ARMH4: variants seen among roughly 807,000 people sequenced by gnomAD.
The protein encoded by ARMH4 is armadillo-like helical domain-containing protein 4.
Under a neutral mutation model 61.9 loss-of-function variants are expected in ARMH4, and 49 were observed. The observed-to-expected ratio is 0.79, with a 90% confidence interval of 0.63 to 1.00. The LOEUF is 1.00. ARMH4 is among the 50% of genes least tolerant of loss of function. The pLI is 0.00. For missense variants in ARMH4, 934 were observed against 930.0 expected, an observed-to-expected ratio of 1.00 and a Z score of -0.06; for synonymous variants, 368 against 341.5, an observed-to-expected ratio of 1.08 and a Z score of -0.85.
intron 5 of ARMH4, among the ~76,000 whole-genome samples, chr14:58,078,993 T>A (rs1408425088): frequency 6.6e-6 from 1 of 152,236 alleles, no homozygotes; most frequent in Non-Finnish European, 1.5e-5. Context: ...TAATCCCTCT[T>A]TTCTGCCACA....
intron 4 of ARMH4, among the ~76,000 whole-genome samples, chr14:58,112,047 T>C (rs545431436): frequency 8.3e-4 from 126 of 152,262 alleles, no homozygotes; most frequent in Middle Eastern, 6.8e-3. Context: ...CCCACTCTTA[T>C]GACCTCATAT....
At chr14:58,045,467 T>G (rs954543800) in intron 5 of ARMH4, among the ~76,000 whole-genome samples, 1 of 151,608 alleles carries the variant, frequency 6.6e-6, no homozygotes, top group African/African-American at 2.4e-5. Flanking sequence ...TGTTGTGGGG[T>G]GAGGGGAGTG....
intron 4 of ARMH4, among the ~76,000 whole-genome samples, chr14:58,099,535 C>G (rs188164845): frequency 6.6e-6 from 1 of 152,210 alleles, no homozygotes; most frequent in Admixed American, 6.5e-5. Context: ...ATGATATAGA[C>G]AAAGGCCAGG....
chr14:58,021,413 C>T (rs1455882015), intron 5 of ARMH4, among the ~76,000 whole-genome samples: 3 of 152,194 alleles, frequency 2.0e-5, no homozygotes, highest in African/African-American at 7.2e-5. Flanking sequence ...GGCTCCTTAG[C>T]CTTCTGCCAT....
intron 5 of ARMH4, among the ~76,000 whole-genome samples, chr14:58,083,619 T>A (rs1221861175): frequency 6.6e-6 from 1 of 152,074 alleles, no homozygotes; most frequent in African/African-American, 2.4e-5. Context: ...TTCAATGGAG[T>A]GCTGGCACCC....
intron 6 of ARMH4, among the ~76,000 whole-genome samples, chr14:58,007,302 A>G (rs1882213681): frequency 6.6e-6 from 1 of 152,164 alleles, no homozygotes; most frequent in African/African-American, 2.4e-5. Flanking sequence ...TTATTGACAC[A>G]CTTAAGCCTT....
intron 4 of ARMH4, among the ~76,000 whole-genome samples, chr14:58,113,629 A>G (rs1886423295): frequency 6.6e-6 from 1 of 151,952 alleles, no homozygotes; most frequent in Non-Finnish European, 1.5e-5. Flanking sequence ...CCTGCTGGAT[A>G]TCTGATTAGA....
intron 5 of ARMH4, among the ~76,000 whole-genome samples, chr14:58,041,931 T>C (rs977237742): frequency 2.0e-4 from 30 of 151,778 alleles, no homozygotes; most frequent in Non-Finnish European, 3.4e-4. Flanking sequence ...TACAGGAGCA[T>C]CTAGATTCAT....
At chr14:58,032,777 A>G (rs1594706494) in intron 5 of ARMH4, among the ~76,000 whole-genome samples, 1 of 152,232 alleles carries the variant, frequency 6.6e-6, no homozygotes, top group East Asian at 1.9e-4. Context: ...TTCCGAGTCA[A>G]AGAAAGAGGT....
At chr14:58,127,674 A>T (rs1057304109) in intron 4 of ARMH4, among the ~76,000 whole-genome samples, 1 of 152,168 alleles carries the variant, frequency 6.6e-6, no homozygotes, top group Non-Finnish European at 1.5e-5. Context: ...CCAGATGAGG[A>T]ACACTGGAAT....
chr14:58,072,073 A>G (rs112577347), intron 5 of ARMH4, among the ~76,000 whole-genome samples: 99 of 152,308 alleles, frequency 6.5e-4, no homozygotes, highest in African/African-American at 2.3e-3. Context: ...TTGCTGTACT[A>G]TAATTTTTTG....
chr14:58,118,996 T>C (rs1327483426), intron 4 of ARMH4, among the ~76,000 whole-genome samples: 3 of 152,214 alleles, frequency 2.0e-5, no homozygotes, highest in Non-Finnish European at 2.9e-5. Context: ...GCAGATTCTT[T>C]ATGCTGTTTT....
intron 5 of ARMH4, among the ~76,000 whole-genome samples, chr14:58,092,129 C>T (rs187008756): frequency 6.6e-6 from 1 of 151,662 alleles, no homozygotes; most frequent in Admixed American, 6.5e-5. Flanking sequence ...CACTACCCAC[C>T]TCAATCTGTT....
At chr14:58,060,905 T>C (rs1478236342) in intron 5 of ARMH4, among the ~76,000 whole-genome samples, 7 of 152,160 alleles carry the variant, frequency 4.6e-5, no homozygotes, top group Admixed American at 1.3e-4. Context: ...ACAACAATAA[T>C]GCTTTATTCT....
At chr14:58,057,196 C>T (rs564341775) in intron 5 of ARMH4, among the ~76,000 whole-genome samples, 8 of 152,094 alleles carry the variant, frequency 5.3e-5, no homozygotes, top group African/African-American at 7.2e-5. Flanking sequence ...CGATGTTAAG[C>T]GAAATTGTCT....
At chr14:58,034,308 T>G (rs1333871244) in intron 5 of ARMH4, among the ~76,000 whole-genome samples, 1 of 119,282 alleles carries the variant, frequency 8.4e-6, no homozygotes, top group Non-Finnish European at 1.8e-5. Context: ...AAACTAAGCT[T>G]CATAAGTGAA....
At chr14:58,006,601 A>G (rs1882178209) in intron 6 of ARMH4, among the ~76,000 whole-genome samples, 1 of 152,200 alleles carries the variant, frequency 6.6e-6, no homozygotes, top group South Asian at 2.1e-4. Flanking sequence ...TTTGAGAACA[A>G]TAGCACTGTT....
intron 5 of ARMH4, among the ~76,000 whole-genome samples, chr14:58,040,216 T>C (rs1455731372): frequency 4.6e-5 from 7 of 152,206 alleles, no homozygotes; most frequent in South Asian, 2.1e-4. Flanking sequence ...GTTTGTTATA[T>C]AGGTAAACTC....
In ARMH4 at chr14:58,138,154, C is replaced by T. The variant is rs1383426854; in HGVS notation, c.1205G>A (p.Ser402Asn). The part of the protein sequence containing the change: ...FTDQSSFTPT[S>N]LMEDMKVSIV... ...GGAAACTTTCATGTCTTCCATCAGA[C>T]TTGTGGGGGTAAAGGAACTTTGATC... The change falls in exon 2 of 8, where the codon AGT becomes AAT. Residue 402 changes from serine to asparagine, a missense_variant. Coordinates refer to ENST00000267485, the MANE Select transcript of ARMH4 (RefSeq NM_001001872.4). The T allele has an allele frequency of 5.6e-6, 9 of 1,614,054 alleles. No homozygotes were observed. Among genetic ancestry groups the T allele is most frequent in the South Asian group, 1.1e-5 (1 of 91,090 alleles).
Sources: allele counts gnomAD v4.1 joint callset (sites outside exome capture counted in the v4.1 genomes callset), GRCh38; gene constraint gnomAD v4.1.1; transcripts MANE v1.5; gene names NCBI Gene and HGNC (gene_info 2026-07-23, HGNC 2026-07-21).